Variants in VPS8 observed in about 807,000 individuals in gnomAD.
The protein encoded by VPS8 is VPS8 subunit of CORVET complex.
In VPS8, 129 loss-of-function variants were observed where a neutral mutation model predicts 216.4. That is an observed-to-expected ratio of 0.60 (90% confidence interval 0.52 to 0.69). VPS8 has a LOEUF of 0.69. Among genes scored for constraint, VPS8 ranks in the 30% least tolerant of loss-of-function variants. VPS8 has a pLI of 0.00. For missense variants in VPS8, 1,531 were observed against 1,683.5 expected (o/e 0.91, Z 1.59); for synonymous variants, 571 against 565.4 (o/e 1.01, Z -0.14).
In VPS8 at chr3:185,016,368, G is replaced by A. The variant is rs1341466700; in HGVS notation, c.4003-7968G>A. ...GGAGTAATATTTCTCGAATGGGGCA[G>A]CACAAAGTATATATCCATATAATGA... On this transcript the variant is annotated intron_variant, in intron 45 of 47. Coordinates refer to ENST00000625842, the MANE Select transcript of VPS8 (RefSeq NM_001009921.3). 4.6e-5 allele frequency among the ~76,000 whole-genome samples: 7 copies of A among 152,190 alleles called. No individual in the cohort carries two copies. The East Asian group carries it at 1.3e-3, about 29-fold the overall frequency.
At chr3:184,847,216 A>G (rs954909970) in intron 8 of VPS8, among the ~76,000 whole-genome samples, 3 of 152,214 alleles carry the variant, frequency 2.0e-5, no homozygotes, top group Admixed American at 6.5e-5. Context: ...AGTTATACTC[A>G]TTGTTTCAGA....
chr3:185,011,385 C>A (rs1195840406), intron 45 of VPS8, among the ~76,000 whole-genome samples: 1 of 152,152 alleles, frequency 6.6e-6, no homozygotes, highest in Non-Finnish European at 1.5e-5. Context: ...GCTTGAATAC[C>A]AAGTATCATT....
chr3:184,990,775 G>A (rs1751792372), intron 42 of VPS8, among the ~76,000 whole-genome samples: 1 of 152,096 alleles, frequency 6.6e-6, no homozygotes, highest in Admixed American at 6.5e-5. Context: ...AAAAAGTAGG[G>A]AGCAGCAGTT....
In VPS8 at chr3:184,966,700, A is replaced by G; in HGVS notation, c.3303A>G (p.Thr1101=). Residue 1101 remains threonine (T), a synonymous_variant, in exon 39 of 48, where the codon ACA becomes ACG. Transcript: ENST00000625842. ...TACAAAGCAAACTTCAAGAGGTAAC[A>G]CATCAAGGTGAAAGTAAGTTCTTGA... ...ERLQSKLQEV[T]HQGENTKEDP... The G allele has an allele frequency of 6.3e-7, 1 of 1,591,718 alleles. No homozygotes were observed. Among genetic ancestry groups the G allele is most frequent in the Non-Finnish European group, 8.6e-7 (1 of 1,165,864 alleles).
intron 46 of VPS8, among the ~76,000 whole-genome samples, chr3:185,045,761 C>G (rs1712737510): frequency 8.6e-6 from 1 of 116,658 alleles, no homozygotes; most frequent in African/African-American, 3.8e-5. Context: ...AGCAAGACTC[C>G]GTCTAAAAAA....
At chr3:184,995,748 T>G (rs1752531514) in intron 43 of VPS8, among the ~76,000 whole-genome samples, 1 of 152,256 alleles carries the variant, frequency 6.6e-6, no homozygotes, top group Non-Finnish European at 1.5e-5. Flanking sequence ...AATGTCTTTA[T>G]GTGACTTAAT....
chr3:185,021,236 A>G (rs1262958750), intron 45 of VPS8, among the ~76,000 whole-genome samples: 1 of 152,192 alleles, frequency 6.6e-6, no homozygotes. Context: ...CCCCAGATCT[A>G]GTGTCTGCAT....
chr3:184,983,021 C>G lies in VPS8; in HGVS notation c.3512C>G (p.Ser1171Cys). The G allele has an allele frequency of 6.2e-7, 1 of 1,605,768 alleles. No homozygotes were observed. Among genetic ancestry groups the G allele is most frequent in the African/African-American group, 1.3e-5 (1 of 74,808 alleles). The change falls in exon 42 of 48, where the codon TCT becomes TGT. Residue 1171 changes from serine to cysteine, a missense_variant. Physicochemically the swap from Ser to Cys is moderately radical, Grantham distance 112 (BLOSUM62 -1). Transcript: ENST00000625842. ...IPHLHSEALK[S>C]LTMQVLNSMA... is the part of the protein sequence containing the mutation. ...TATTTTGTTATAACAGCTCTGAAGT[C>G]TTTGACCATGCAAGTTTTAAATAGC... is the stretch of plus-strand genomic sequence containing the variant.
intron 10 of VPS8, among the ~76,000 whole-genome samples, chr3:184,852,133 G>C (rs1427983717): frequency 6.6e-6 from 1 of 152,128 alleles, no homozygotes; most frequent in Non-Finnish European, 1.5e-5. Flanking sequence ...CTTTAAAACT[G>C]GGCAGGTGTA....
At chr3:184,957,592 G>T in intron 37 of VPS8, 71 bp downstream of exon 37, 1 of 1,450,954 alleles carries the variant, frequency 6.9e-7, no homozygotes, top group Non-Finnish European at 9.2e-7. Flanking sequence ...GATGATCAAA[G>T]ACAAGGGGAA....
At chr3:184,919,608 A>G (rs1267654971) in intron 28 of VPS8, among the ~76,000 whole-genome samples, 1 of 152,200 alleles carries the variant, frequency 6.6e-6, no homozygotes, top group Non-Finnish European at 1.5e-5. Context: ...TGAGAATAGT[A>G]AGTAGGCTTG....
chr3:184,819,333 T>C (rs1717040606), intron 1 of VPS8, among the ~76,000 whole-genome samples: 2 of 152,216 alleles, frequency 1.3e-5, no homozygotes, highest in African/African-American at 4.8e-5. Flanking sequence ...TAAGAAATCA[T>C]GAAGCCTGTT....
chr3:184,985,781 A>G (rs1456475341), intron 42 of VPS8, among the ~76,000 whole-genome samples: 1 of 152,236 alleles, frequency 6.6e-6, no homozygotes, highest in Non-Finnish European at 1.5e-5. Context: ...AATTTCAGGA[A>G]CGGACAGTTC....
At chr3:185,003,663 G>A (rs1753764805) in intron 45 of VPS8, among the ~76,000 whole-genome samples, 1 of 152,236 alleles carries the variant, frequency 6.6e-6, no homozygotes, top group South Asian at 2.1e-4. Flanking sequence ...TCAATGAGCT[G>A]TTGGGTACAC....
At chr3:184,888,667 G>C (rs188712625) in intron 22 of VPS8, among the ~76,000 whole-genome samples, 23 of 152,306 alleles carry the variant, frequency 1.5e-4, no homozygotes, top group Non-Finnish European at 1.9e-4. Flanking sequence ...AAGTGGAGGT[G>C]TAGAGGTATT....
intron 1 of VPS8, among the ~76,000 whole-genome samples, chr3:184,819,370 T>C (rs1444924815): frequency 6.6e-6 from 1 of 152,204 alleles, no homozygotes; most frequent in Non-Finnish European, 1.5e-5. Flanking sequence ...CTCTCTGGTA[T>C]GGTATCCTCT....
chr3:184,866,582 A>G (rs1423108150), intron 16 of VPS8, among the ~76,000 whole-genome samples: 7 of 152,246 alleles, frequency 4.6e-5, no homozygotes, highest in Non-Finnish European at 1.0e-4. Flanking sequence ...AAAGCAATTG[A>G]CTGTTTAAAA....
chr3:185,019,398 G>C (rs1248649719), intron 45 of VPS8, among the ~76,000 whole-genome samples: 1 of 152,070 alleles, frequency 6.6e-6, no homozygotes, highest in Non-Finnish European at 1.5e-5. Context: ...GGAAAATCAG[G>C]AGTCTCAGCC....
intron 46 of VPS8, among the ~76,000 whole-genome samples, chr3:185,029,095 T>C (rs2108436591): frequency 6.6e-6 from 1 of 152,224 alleles, no homozygotes; most frequent in East Asian, 1.9e-4. Context: ...TGAAGATCAA[T>C]GTGAAACTCA....
Sources: gnomAD v4.1 joint callset for allele counts (sites outside exome capture counted in the v4.1 genomes callset) on GRCh38, gnomAD v4.1.1 for gene constraint, MANE v1.5 for transcripts, NCBI Gene and HGNC (gene_info 2026-07-23, HGNC 2026-07-21) for gene names.